Variants in LRP12 observed in about 807,000 individuals in gnomAD.
LRP12 encodes the protein LDL receptor related protein 12.
LRP12 carries 14 observed loss-of-function variants against 66.0 expected under a neutral mutation model. The ratio of observed to expected loss-of-function variants is 0.21; its 90% CI spans 0.14 to 0.33. LRP12 has a LOEUF of 0.33. Ranked by LOEUF, LRP12 falls within the 10% of genes least tolerant of loss-of-function variation. The probability of loss-of-function intolerance (pLI) is 1.00; values close to 1 mark genes in which losing one functional copy is unlikely to be tolerated. For missense variants in LRP12, 889 were observed against 1,053.4 expected (o/e 0.84, Z 2.16); for synonymous variants, 357 against 359.1 (o/e 0.99, Z 0.07).
At chr8:104,520,862 G>A (rs7813481) in intron 2 of LRP12, among the ~76,000 whole-genome samples, 2,562 of 152,126 alleles carry the variant, frequency 0.017, 69 homozygotes, top group African/African-American at 0.058. Flanking sequence ...TATTCCCAAA[G>A]TTACAGACTG....
In LRP12 at chr8:104,489,600, G is replaced by GA. The variant is rs755338107; in HGVS notation, c.*1072dup. The GA allele has an allele frequency of 1.3e-4, 20 of 151,968 alleles. No individual in the cohort carries two copies. The highest frequency in any genetic ancestry group is 2.4e-4 in the Non-Finnish European group (16 of 67,916). 9.4% of individuals were successfully genotyped at this position (151,968 alleles called of 1,614,324 possible). A position where few individuals can be genotyped will look rare whatever the true frequency, so the allele number is the denominator to read the frequency against. ...ATCCCCCCCAGGAATAAAATATATT[G>GA]AAAAAATCACTCTTACAACAATGTA... On this transcript the variant is annotated 3_prime_UTR_variant, in exon 7 of 7. Coordinates refer to ENST00000276654, the MANE Select transcript of LRP12 (RefSeq NM_013437.5).
In LRP12 at chr8:104,513,833, T is replaced by C. The variant is rs1209500759; in HGVS notation, c.137-4759A>G. Reference sequence around the variant, plus strand: ...TCTCAATGGAAGATTTCATCCACTTTTACAATTTCAACTATGGTCATGAGT... The same window carrying C: ...TCTCAATGGAAGATTTCATCCACTTCTACAATTTCAACTATGGTCATGAGT... On this transcript the variant is annotated intron_variant, in intron 2 of 6. Transcript: ENST00000276654. 3.3e-5 allele frequency among the ~76,000 whole-genome samples: 5 copies of C among 152,164 alleles called. No individual in the cohort carries two copies. The South Asian group carries it at 6.2e-4, about 19-fold the overall frequency.
rs1331596644 is a variant in LRP12, at chr8:104,497,910, G to C, written c.642C>G (p.Pro214=). 6.2e-7 allele frequency: 1 copy of C among 1,614,180 alleles called. No homozygotes were observed. Among genetic ancestry groups the C allele is most frequent in the South Asian group, 1.1e-5 (1 of 91,088 alleles). The change falls in exon 5 of 7, where the codon CCC becomes CCG. Residue 214 remains proline (P), a synonymous_variant. Coordinates refer to ENST00000276654, the MANE Select transcript of LRP12 (RefSeq NM_013437.5). This position sits in a 1 kb window ranked among gnomAD's most constrained non-coding sequence, Gnocchi z 4.3. The part of the protein sequence containing the change: ...ANPPTAAAFQ[P]CAYNQFQCLS... ...AACACTGGAACTGGTTGTAAGCACA[G>C]GGTTGAAAAGCAGCAGCAGTTGGAG...
intron 6 of LRP12, 50 bp from the exon 7 acceptor site, chr8:104,491,589 AT>A (rs375607283): frequency 1.2e-5 from 12 of 1,037,878 alleles, no homozygotes; most frequent in African/African-American, 9.6e-5. Flanking sequence ...AGGTACTAAG[AT>A]AAAAAAAAAA....
chr8:104,554,137 C>G (rs557519145), intron 1 of LRP12, among the ~76,000 whole-genome samples: 1 of 152,084 alleles, frequency 6.6e-6, no homozygotes, highest in Non-Finnish European at 1.5e-5. Context: ...CCCTTGAGCC[C>G]GAGATCTTCC....
chr8:104,572,687 A>G (rs1812100541), intron 1 of LRP12, among the ~76,000 whole-genome samples: 1 of 152,042 alleles, frequency 6.6e-6, no homozygotes. Flanking sequence ...ATAAATTTAA[A>G]GCAAATATGG....
intron 1 of LRP12, among the ~76,000 whole-genome samples, chr8:104,566,618 A>T (rs1456625270): frequency 2.0e-5 from 3 of 152,226 alleles, no homozygotes; most frequent in Non-Finnish European, 4.4e-5. Context: ...TAAAGTACTC[A>T]CACAAATTAT....
intron 1 of LRP12, among the ~76,000 whole-genome samples, chr8:104,553,598 G>A (rs1811759837): frequency 2.0e-5 from 3 of 152,154 alleles, no homozygotes; most frequent in Admixed American, 6.5e-5. Flanking sequence ...CCTTGCCCAA[G>A]GAGAGTTTGA....
At chr8:104,503,973 G>GA (rs1357941148) in intron 3 of LRP12, among the ~76,000 whole-genome samples, 4 of 152,012 alleles carry the variant, frequency 2.6e-5, no homozygotes, top group African/African-American at 9.7e-5. Flanking sequence ...CCAGGTTAAG[G>GA]AAATTCCTTT....
chr8:104,561,054 T>C (rs1393233078), intron 1 of LRP12, among the ~76,000 whole-genome samples: 5 of 152,196 alleles, frequency 3.3e-5, no homozygotes, highest in Non-Finnish European at 7.3e-5. Context: ...GCCATACGGT[T>C]TCTGTTGCAA....
Position 104,497,925 on chromosome 8 carries a change from A to G in LRP12, c.627T>C (p.Ala209=), listed in dbSNP as rs769046306. The change falls in exon 5 of 7, where the codon GCT becomes GCC. Residue 209 remains alanine, a synonymous_variant. Transcript: ENST00000276654. The surrounding 1 kb of genome is among the most constrained non-coding windows in gnomAD (Gnocchi z 4.3). ...TGTAAGCACAGGGTTGAAAAGCAGCAGCAGTTGGAGGATTTGCTTCTTTGG... is the reference window on the plus strand; with the variant it reads ...TGTAAGCACAGGGTTGAAAAGCAGCGGCAGTTGGAGGATTTGCTTCTTTGG... ...ICAKEANPPT[A]AAFQPCAYNQ... is the part of the protein sequence containing the mutation. 10 of 1,614,076 alleles carry G rather than the reference A, an allele frequency of 6.2e-6. No homozygotes were observed. The East Asian group carries it at 2.2e-4, about 36-fold the overall frequency.
At chr8:104,492,449 C>G (rs1564127839) in intron 6 of LRP12, among the ~76,000 whole-genome samples, 1 of 152,254 alleles carries the variant, frequency 6.6e-6, no homozygotes, top group East Asian at 1.9e-4. Context: ...CTTGAAACAG[C>G]TTTCACCAAC....
At chr8:104,550,877 C>A (rs1811715266) in intron 1 of LRP12, among the ~76,000 whole-genome samples, 1 of 152,088 alleles carries the variant, frequency 6.6e-6, no homozygotes, top group South Asian at 2.1e-4. Flanking sequence ...CTCTTTGATC[C>A]TTTTTGCACT....
chr8:104,588,813 A>T lies in LRP12; in HGVS notation c.79+6T>A, dbSNP rs1227799191. 1 of 1,611,692 alleles carries T rather than the reference A, an allele frequency of 6.2e-7. No individual in the cohort carries two copies. The highest frequency in any genetic ancestry group is 8.5e-7 in the Non-Finnish European group (1 of 1,179,038). ...GTCAGCGGGGCGCGGGGACGCGGACACTTACCGTACACCCCAGCGAGGAAA... is the reference window on the plus strand; with the variant it reads ...GTCAGCGGGGCGCGGGGACGCGGACTCTTACCGTACACCCCAGCGAGGAAA... On this transcript the variant is annotated splice_donor_region_variant and intron_variant, in intron 1 of 6. Coordinates refer to ENST00000276654, the MANE Select transcript of LRP12 (RefSeq NM_013437.5).
At chr8:104,554,880 A>G (rs567434865) in intron 1 of LRP12, among the ~76,000 whole-genome samples, 1 of 152,352 alleles carries the variant, frequency 6.6e-6, no homozygotes, top group South Asian at 2.1e-4. Flanking sequence ...AGGCAAAAGC[A>G]TCAGGTAACC....
intron 1 of LRP12, among the ~76,000 whole-genome samples, chr8:104,552,267 A>C (rs1408679448): frequency 6.6e-6 from 1 of 152,208 alleles, no homozygotes; most frequent in Non-Finnish European, 1.5e-5. Flanking sequence ...GATACCAAGA[A>C]AATGGCATTT....
In LRP12 at chr8:104,527,555, C is replaced by T. The variant is rs1372133046; in HGVS notation, c.136+4352G>A. 2.0e-5 allele frequency among the ~76,000 whole-genome samples: 3 copies of T among 151,382 alleles called. No individual in the cohort carries two copies. In the East Asian group the frequency reaches 5.9e-4, roughly 30 times the overall value. ...TAGGGACATGGATGAAATTGGAAAT[C>T]ATCATTCTCAGTAAACTATCGCAAG... On this transcript the variant is annotated intron_variant, in intron 2 of 6. Transcript: ENST00000276654.
At chr8:104,547,749 T>C (rs1196447831) in intron 1 of LRP12, among the ~76,000 whole-genome samples, 1 of 125,016 alleles carries the variant, frequency 8.0e-6, no homozygotes, top group Non-Finnish European at 1.6e-5. Context: ...TATATAATCA[T>C]ATATAATATA....
intron 2 of LRP12, among the ~76,000 whole-genome samples, chr8:104,516,525 T>G (rs1811074177): frequency 6.6e-6 from 1 of 152,138 alleles, no homozygotes; most frequent in Non-Finnish European, 1.5e-5. Flanking sequence ...ATTTTGGTAT[T>G]AGTTTTCTCA....
Sources: gnomAD v4.1 joint callset for allele counts (sites outside exome capture counted in the v4.1 genomes callset) on GRCh38, gnomAD v4.1.1 for gene constraint, Gnocchi (gnomAD v3.1) non-coding constraint, MANE v1.5 for transcripts, NCBI Gene and HGNC (gene_info 2026-07-23, HGNC 2026-07-21) for gene names.